Variants in NUDT11 observed in about 807,000 individuals in gnomAD.
NUDT11 encodes the protein nudix hydrolase 11, also known as diphosphoinositol polyphosphate phosphohydrolase 3-beta.
A neutral mutation model predicts 10.0 loss-of-function variants in NUDT11; 1 was observed. The ratio of observed to expected loss-of-function variants is 0.10; its 90% CI spans 0.04 to 0.47. The LOEUF (loss-of-function observed/expected upper bound fraction) is 0.47, where lower values mean the gene tolerates loss of function less well. Ranked by LOEUF, NUDT11 falls within the 20% of genes least tolerant of loss-of-function variation. The pLI is 0.96. For missense variants in NUDT11, 47 were observed against 140.4 expected, an observed-to-expected ratio of 0.33 and a Z score of 3.36; for synonymous variants, 63 against 65.9, an observed-to-expected ratio of 0.96 and a Z score of 0.21.
At position 51,496,478 on chromosome X, in the gene NUDT11, C is replaced by T; in HGVS notation, c.-34G>A. The stretch of plus-strand genomic sequence containing the variant: ...CAGCCTCCTCGAGGCAGCCTCCTCT[C>T]GCCTCTCGCTGCTGTGTGGGCCGCC... On this transcript the variant is annotated 5_prime_UTR_variant, in exon 1 of 2. Coordinates refer to ENST00000375992, the MANE Select transcript of NUDT11 (RefSeq NM_018159.4). 1 of 1,138,183 alleles carries T rather than the reference C, an allele frequency of 8.8e-7. No homozygotes were observed. The highest frequency in any genetic ancestry group is 1.2e-6 in the Non-Finnish European group (1 of 857,507). 93.8% of individuals were successfully genotyped at this position (1,138,183 alleles called of 1,213,427 possible).
rs1398516742 is a variant in NUDT11, at chrX:51,495,852, C to A, written c.494+99G>T. 2.7e-6 allele frequency: 3 copies of A among 1,113,736 alleles called. No homozygotes were observed. The African/African-American group carries it at 5.5e-5, about 20-fold the overall frequency. The allele number at this position is 1,113,736 out of a possible 1,213,427, so 91.8% of individuals were successfully genotyped here. On this transcript the variant is annotated intron_variant, in intron 1 of 1. Coordinates refer to ENST00000375992, the MANE Select transcript of NUDT11 (RefSeq NM_018159.4). ...AGGAAACAAAAGAAGCCTCCCTCCT[C>A]CCCGTGAGACCGCACATGGCACGAG...
At chrX:51,492,141 G>C (rs184833546) in intron 1 of NUDT11, among the ~76,000 whole-genome samples, 2 of 111,987 alleles carry the variant, frequency 1.8e-5, no homozygotes, top group East Asian at 5.6e-4. Context: ...TAAACTCTGC[G>C]AACCATGACA....
At chrX:51,495,829 G>T in intron 1 of NUDT11, 122 bp downstream of exon 1, 2 of 1,034,501 alleles carry the variant, frequency 1.9e-6, no homozygotes, top group South Asian at 4.7e-5. Flanking sequence ...GTCTGCCAAG[G>T]AAACAAAAGA....
intron 1 of NUDT11, among the ~76,000 whole-genome samples, chrX:51,493,563 A>G (rs1925638214): frequency 8.9e-6 from 1 of 111,977 alleles, no homozygotes; most frequent in Non-Finnish European, 1.9e-5. Flanking sequence ...CAGTTTTTCA[A>G]AACATTTTCT....
At position 51,490,698 on chromosome X, in the gene NUDT11, T is replaced by A. The variant is rs1384408636; in HGVS notation, c.*1051A>T. ...TTTTGCCCTCTCTCAGCCCTCTGCA[T>A]TCTCATATGCAGAAACCAGGTAGGA... is the stretch of plus-strand genomic sequence containing the variant. On this transcript the variant is annotated 3_prime_UTR_variant, in exon 2 of 2. Coordinates refer to ENST00000375992, the MANE Select transcript of NUDT11 (RefSeq NM_018159.4). 1 of 112,106 alleles carries A rather than the reference T, an allele frequency of 8.9e-6. No individual in the cohort carries two copies. The highest frequency in any genetic ancestry group is 1.9e-5 in the Non-Finnish European group (1 of 53,266). 9.2% of individuals were successfully genotyped at this position (112,106 alleles called of 1,213,427 possible). A position where few individuals can be genotyped will look rare whatever the true frequency, so the allele number is the denominator to read the frequency against.
chrX:51,494,675 G>C (rs1174448216), intron 1 of NUDT11, among the ~76,000 whole-genome samples: 1 of 110,900 alleles, frequency 9.0e-6, no homozygotes, highest in Non-Finnish European at 1.9e-5. Flanking sequence ...GGTATTAAAA[G>C]ACAGGAGAGC....
rs782521111 is a variant in NUDT11 at position 51,490,641 on chromosome X, C to G, written c.*1108G>C. On this transcript the variant is annotated 3_prime_UTR_variant, in exon 2 of 2. Coordinates refer to ENST00000375992, the MANE Select transcript of NUDT11 (RefSeq NM_018159.4). Reference sequence around the variant, plus strand: ...TTGTGTTCCCCTCTAATAGCAGCCTCTTTCCTAAATGCCTTTTCTAAATGA... The same window carrying G: ...TTGTGTTCCCCTCTAATAGCAGCCTGTTTCCTAAATGCCTTTTCTAAATGA... 8.9e-6 allele frequency: 1 copy of G among 112,043 alleles called. No individual in the cohort carries two copies. The highest frequency in any genetic ancestry group is 1.9e-5 in the Non-Finnish European group (1 of 53,246). 9.2% of individuals were successfully genotyped at this position (112,043 alleles called of 1,213,427 possible).
intron 1 of NUDT11, among the ~76,000 whole-genome samples, chrX:51,494,273 G>C (rs1361450680): frequency 1.8e-5 from 2 of 111,748 alleles, no homozygotes; most frequent in Non-Finnish European, 3.8e-5. Flanking sequence ...ACTTTGTTAA[G>C]AGAAAAATAG....
chrX:51,494,273 G>T (rs1361450680), intron 1 of NUDT11, among the ~76,000 whole-genome samples: 1 of 111,748 alleles, frequency 8.9e-6, no homozygotes, highest in African/African-American at 3.2e-5. Context: ...ACTTTGTTAA[G>T]AGAAAAATAG....
chrX:51,496,241 T>C lies in NUDT11; in HGVS notation c.204A>G (p.Glu68=). 1 of 1,211,387 alleles carries C rather than the reference T, an allele frequency of 8.3e-7. No homozygotes were observed. Among genetic ancestry groups the C allele is most frequent in the East Asian group, 3.0e-5 (1 of 33,805 alleles). ...CTAACTTCCCCTTGACTCCCGCTTCTTCGTACACCTCTCGGACCGCCGCAC... is the reference window on the plus strand; with the variant it reads ...CTAACTTCCCCTTGACTCCCGCTTCCTCGTACACCTCTCGGACCGCCGCAC... ...PGGAAVREVY[E]EAGVKGKLGR... Residue 68 remains glutamate, a synonymous_variant, in exon 1 of 2, where the codon GAA becomes GAG. Coordinates refer to ENST00000375992, the MANE Select transcript of NUDT11 (RefSeq NM_018159.4).
chrX:51,490,424 A>G lies in NUDT11; in HGVS notation c.*1325T>C, dbSNP rs1557326082. On this transcript the variant is annotated 3_prime_UTR_variant, in exon 2 of 2. Coordinates refer to ENST00000375992, the MANE Select transcript of NUDT11 (RefSeq NM_018159.4). ...GCTTTTATCGATGCAATTGCTTTAT[A>G]ATATAAAAGAAAAAATCAAACAAAC... is the stretch of plus-strand genomic sequence containing the variant. The G allele has an allele frequency of 8.9e-6, 1 of 111,979 alleles. No individual in the cohort carries two copies. Among genetic ancestry groups the G allele is most frequent in the African/African-American group, 3.2e-5 (1 of 30,852 alleles). The allele number at this position is 111,979 out of a possible 1,213,427, so 9.2% of individuals were successfully genotyped here.
At chrX:51,493,287 T>C (rs1236998304) in intron 1 of NUDT11, among the ~76,000 whole-genome samples, 10 of 112,392 alleles carry the variant, frequency 8.9e-5, no homozygotes, top group Non-Finnish European at 1.1e-4. Flanking sequence ...CAAACCTCAA[T>C]TGTCTGTGTA....
chrX:51,495,995 G>A lies in NUDT11; in HGVS notation c.450C>T (p.Thr150=), dbSNP rs781996797. ...LEKLKLGGSP[T]NGNSMAPSSP... is the part of the protein sequence containing the mutation. Reference sequence around the variant, plus strand: ...AGGATGGGGCCATGGAGTTTCCATTGGTTGGGGAACCGCCCAGCTTTAGTT... The same window carrying A: ...AGGATGGGGCCATGGAGTTTCCATTAGTTGGGGAACCGCCCAGCTTTAGTT... The change falls in exon 1 of 2, where the codon ACC becomes ACT. Residue 150 remains threonine, a synonymous_variant. Transcript: ENST00000375992. The A allele has an allele frequency of 1.7e-6, 2 of 1,207,536 alleles. No homozygotes were observed. Among genetic ancestry groups the A allele is most frequent in the East Asian group, 5.9e-5 (2 of 33,750 alleles).
chrX:51,495,976 G>C lies in NUDT11; in HGVS notation c.469C>G (p.Pro157Ala). Residue 157 changes from proline (P) to alanine (A), a missense_variant, in exon 1 of 2, where the codon CCA (proline) becomes GCA (alanine). Physicochemically the swap from Pro to Ala is conservative, Grantham distance 27 (BLOSUM62 -1). Transcript: ENST00000375992. ...TAGGGATCGCTATCTGGCGAGGATG[G>C]GGCCATGGAGTTTCCATTGGTTGGG... ...GSPTNGNSMA[P>A]SSPDSDP 8.3e-7 allele frequency: 1 copy of C among 1,207,547 alleles called. No homozygotes were observed. Among genetic ancestry groups the C allele is most frequent in the Non-Finnish European group, 1.1e-6 (1 of 892,578 alleles).
chrX:51,494,204 A>C (rs985126707), intron 1 of NUDT11, among the ~76,000 whole-genome samples: 35 of 112,341 alleles, frequency 3.1e-4, no homozygotes, highest in Non-Finnish European at 1.7e-4. Flanking sequence ...CCCTGGAATT[A>C]AAAGTTACAA....
intron 1 of NUDT11, among the ~76,000 whole-genome samples, chrX:51,493,891 A>C (rs906659547): frequency 1.8e-5 from 2 of 112,135 alleles, no homozygotes; most frequent in Admixed American, 1.9e-4. Flanking sequence ...AATTACTTCT[A>C]ATGATAGAAA....
At chrX:51,495,855 C>G in intron 1 of NUDT11, 96 bp downstream of exon 1, 1 of 1,126,853 alleles carries the variant, frequency 8.9e-7, no homozygotes, top group Non-Finnish European at 1.2e-6. Flanking sequence ...CCCTCCTCCC[C>G]GTGAGACCGC....
intron 1 of NUDT11, among the ~76,000 whole-genome samples, chrX:51,494,505 C>G (rs1466474354): frequency 9.0e-6 from 1 of 111,491 alleles, no homozygotes; most frequent in African/African-American, 3.3e-5. Flanking sequence ...TGCAACGGCA[C>G]TCACTGTTTA....
chrX:51,491,987 AGAG>A (rs1461678820), intron 1 of NUDT11, among the ~76,000 whole-genome samples: 2 of 112,284 alleles, frequency 1.8e-5, no homozygotes, highest in African/African-American at 6.5e-5. Context: ...GTTTTGTAAA[AGAG>A]GAGTGACCAT....
Sources: gnomAD v4.1 joint callset for allele counts (sites outside exome capture counted in the v4.1 genomes callset) on GRCh38, gnomAD v4.1.1 for gene constraint, MANE v1.5 for transcripts, NCBI Gene and HGNC (gene_info 2026-07-23, HGNC 2026-07-21) for gene names.